Variants in ITSN1 observed in about 807,000 individuals in gnomAD.
ITSN1 encodes the protein intersectin 1, also known as intersectin-1.
In ITSN1, 58 loss-of-function variants were observed where a neutral mutation model predicts 239.8. That is an observed-to-expected ratio of 0.24 (90% CI 0.20 to 0.30). ITSN1 has a LOEUF of 0.30. Among genes scored for constraint, ITSN1 ranks in the 10% least tolerant of loss-of-function variants. The pLI is 1.00. For missense variants in ITSN1, 1,558 were observed against 2,103.3 expected (o/e 0.74, Z 5.07); for synonymous variants, 780 against 770.8 (o/e 1.01, Z -0.20).
chr21:33,868,426 T>C (rs1602653959), intron 33 of ITSN1, among the ~76,000 whole-genome samples: 1 of 152,164 alleles, frequency 6.6e-6, no homozygotes, highest in East Asian at 1.9e-4. Context: ...AGGGGAAGGC[T>C]CAGGCATGGC....
Position 33,882,553 on chromosome 21 carries a change from G to A in ITSN1, c.4554+98G>A. The stretch of plus-strand genomic sequence containing the variant: ...TAGAGTTTTAGCAGGGTCAGGGGCT[G>A]TGGCATGCAGGAGAAGGCCAGGAGT... On this transcript the variant is annotated intron_variant, in intron 35 of 39. Coordinates refer to ENST00000381318, the MANE Select transcript of ITSN1 (RefSeq NM_003024.3). This position sits in a 1 kb window ranked among gnomAD's most constrained non-coding sequence, Gnocchi z 4.5. 7.0e-6 allele frequency: 7 copies of A among 1,004,408 alleles called. No individual in the cohort carries two copies. Among genetic ancestry groups the A allele is most frequent in the South Asian group, 6.4e-5 (4 of 62,960 alleles). 62.2% of individuals were successfully genotyped at this position (1,004,408 alleles called of 1,614,324 possible).
chr21:33,776,558 AAAAG>A lies in ITSN1; in HGVS notation c.1596+1452_1596+1455del, dbSNP rs1277615588. ...GAGACCCTGTTCAAAAAAAAAAAAA[AAAAG>A]AGAGAGAAAAGAGAAAGGAAAGAAA... On this transcript the variant is annotated intron_variant, in intron 14 of 39. Transcript: ENST00000381318. 5.0e-4 allele frequency among the ~76,000 whole-genome samples: 75 copies of A among 151,362 alleles called. 1 individual carries two copies. In the East Asian group the frequency reaches 0.014, roughly 27 times the overall value.
intron 6 of ITSN1, 61 bp downstream of exon 6, chr21:33,750,383 T>C (rs1174605827): frequency 9.1e-6 from 13 of 1,427,924 alleles, no homozygotes; most frequent in Non-Finnish European, 1.3e-5. Flanking sequence ...CTGTTCATTA[T>C]TAAAATATTT....
intron 29 of ITSN1, among the ~76,000 whole-genome samples, chr21:33,839,444 G>A (rs1259435439): frequency 6.6e-6 from 1 of 151,984 alleles, no homozygotes; most frequent in Non-Finnish European, 1.5e-5. Context: ...GATGGAGTGG[G>A]GGAAGAGGTG....
At chr21:33,726,204 G>A (rs575921622) in intron 4 of ITSN1, among the ~76,000 whole-genome samples, 4 of 152,148 alleles carry the variant, frequency 2.6e-5, no homozygotes, top group Admixed American at 2.0e-4. Context: ...ATGTTGGCTA[G>A]CCTGGTCTCG....
At chr21:33,706,494 A>G (rs1003422705) in intron 1 of ITSN1, among the ~76,000 whole-genome samples, 2 of 151,726 alleles carry the variant, frequency 1.3e-5, no homozygotes, top group African/African-American at 4.8e-5. Context: ...AAAAAAAAAC[A>G]CTGGATATAT....
chr21:33,663,604 A>C (rs574388387), intron 1 of ITSN1, among the ~76,000 whole-genome samples: 63 of 151,332 alleles, frequency 4.2e-4, no homozygotes, highest in Admixed American at 7.8e-4. Flanking sequence ...CTGGTGATTA[A>C]ATTCTTTTTT....
chr21:33,818,274 A>C lies in ITSN1; in HGVS notation c.2735A>C (p.Lys912Thr). ...TATGTTATTCCACACAAGGGTGAAA[A>C]GGTGGAGGGGCTACAAGCTCAAGCC... ...SPSPVLGQGE[K>T]VEGLQAQALY... is the part of the protein sequence containing the mutation. The change falls in exon 23 of 40, where the codon AAG (lysine) becomes ACG (threonine). Residue 912 changes from lysine to threonine, a missense_variant. Lys to Thr is a moderately conservative substitution (Grantham distance 78). This residue lies in a region of ITSN1 where 982 missense variants were observed against 1,209.9 expected (regional missense o/e 0.81). Coordinates refer to ENST00000381318, the MANE Select transcript of ITSN1 (RefSeq NM_003024.3). The C allele has an allele frequency of 6.2e-7, 1 of 1,614,026 alleles. No individual in the cohort carries two copies. Among genetic ancestry groups the C allele is most frequent in the Non-Finnish European group, 8.5e-7 (1 of 1,179,886 alleles).
intron 12 of ITSN1, among the ~76,000 whole-genome samples, chr21:33,773,649 A>G (rs1461617807): frequency 6.6e-6 from 1 of 152,120 alleles, no homozygotes; most frequent in African/African-American, 2.4e-5. Flanking sequence ...ACCTGTCTCA[A>G]AAAAAGAAAG....
intron 26 of ITSN1, chr21:33,829,417 A>G (rs2074162155): frequency 3.6e-5 from 21 of 589,950 alleles, no homozygotes; most frequent in Middle Eastern, 4.9e-4. Context: ...TGAGGGCTCA[A>G]GGATCAGCCA....
intron 16 of ITSN1, among the ~76,000 whole-genome samples, chr21:33,792,891 C>A (rs1422549279): frequency 6.6e-6 from 1 of 151,750 alleles, no homozygotes; most frequent in Non-Finnish European, 1.5e-5. Flanking sequence ...TTTCCTCCTT[C>A]CCCCTTCCTT....
chr21:33,812,389 C>T (rs543032957), intron 21 of ITSN1, among the ~76,000 whole-genome samples: 1 of 152,242 alleles, frequency 6.6e-6, no homozygotes, highest in East Asian at 1.9e-4. Flanking sequence ...AATGAAAAAT[C>T]AGGAATTATT....
chr21:33,766,962 G>GT (rs1184001726), intron 10 of ITSN1, among the ~76,000 whole-genome samples: 1 of 152,092 alleles, frequency 6.6e-6, no homozygotes, highest in Non-Finnish European at 1.5e-5. Flanking sequence ...GAGGTCAGGA[G>GT]TTTGAGATCA....
chr21:33,648,715 C>T (rs1292934468), intron 1 of ITSN1, among the ~76,000 whole-genome samples: 1 of 152,026 alleles, frequency 6.6e-6, no homozygotes, highest in Non-Finnish European at 1.5e-5. Flanking sequence ...AGGTGATGCC[C>T]ACCTGTAGTC....
intron 1 of ITSN1, among the ~76,000 whole-genome samples, chr21:33,684,553 T>C (rs547914767): frequency 5.9e-5 from 9 of 152,246 alleles, no homozygotes; most frequent in South Asian, 4.2e-4. Flanking sequence ...TTAAAACCTG[T>C]ATTTGGGGGT....
intron 4 of ITSN1, among the ~76,000 whole-genome samples, chr21:33,730,878 TA>T (rs2066139588): frequency 6.6e-6 from 1 of 151,350 alleles, no homozygotes; most frequent in South Asian, 2.1e-4. Context: ...GTGTTTTTAG[TA>T]GAGACAGGGT....
rs1986222335 is a variant in ITSN1 at position 33,889,624 on chromosome 21, AT to A, written c.*1326del. ...GGCCGTGTTTTGTTTGCATGTTAAT[AT>A]TCTCATAATCCTAGTTTGTTGTGGT... is the stretch of plus-strand genomic sequence containing the variant. On this transcript the variant is annotated 3_prime_UTR_variant, in exon 40 of 40. Transcript: ENST00000381318. 6.6e-6 allele frequency: 1 copy of A among 152,160 alleles called. No homozygotes were observed. The highest frequency in any genetic ancestry group is 1.5e-5 in the Non-Finnish European group (1 of 68,032). 9.4% of individuals were successfully genotyped at this position (152,160 alleles called of 1,614,324 possible).
chr21:33,809,651 C>T lies in ITSN1; in HGVS notation c.2320-1324C>T, dbSNP rs145077818. Among the ~76,000 whole-genome samples the T allele has an allele frequency of 3.9e-5, 6 of 152,174 alleles. No homozygotes were observed. The East Asian group carries it at 1.2e-3, about 29-fold the overall frequency. On this transcript the variant is annotated intron_variant, in intron 20 of 39. Coordinates refer to ENST00000381318, the MANE Select transcript of ITSN1 (RefSeq NM_003024.3). ...TTCCAAAATCATTGTTAAGACCCTG[C>T]CTACTCATGTCTGATTTCTAAGAAG...
At chr21:33,746,170 A>G (rs1276285535) in intron 5 of ITSN1, among the ~76,000 whole-genome samples, 3 of 152,212 alleles carry the variant, frequency 2.0e-5, no homozygotes, top group Non-Finnish European at 4.4e-5. Flanking sequence ...AAGGGAAGAC[A>G]GATTTTTCTG....
Sources: allele counts gnomAD v4.1 joint callset (sites outside exome capture counted in the v4.1 genomes callset), GRCh38; gene constraint gnomAD v4.1.1; regional missense constraint gnomAD v4.1.1; non-coding constraint Gnocchi (gnomAD v3.1); transcripts MANE v1.5; gene names NCBI Gene and HGNC (gene_info 2026-07-23, HGNC 2026-07-21).